SUMF2: variants seen among roughly 807,000 people sequenced by gnomAD.
SUMF2 encodes inactive C-alpha-formylglycine-generating enzyme 2.
In SUMF2, 45 loss-of-function variants were observed where a neutral mutation model predicts 44.8. That is an observed-to-expected ratio of 1.00 (90% CI 0.79 to 1.29). The LOEUF is 1.29. Ranked by LOEUF, SUMF2 falls within the 50% of genes most tolerant of loss-of-function variation. SUMF2 has a pLI of 0.00. For synonymous variants in SUMF2, 148 were observed against 150.4 expected (o/e 0.98, Z 0.12); for missense variants, 418 against 389.9 (o/e 1.07, Z -0.61).
intron 1 of SUMF2, among the ~76,000 whole-genome samples, chr7:56,067,769 TGTG>T (rs963124727): frequency 4.6e-5 from 7 of 151,614 alleles, no homozygotes; most frequent in South Asian, 2.1e-4. Flanking sequence ...GGTGCACACT[TGTG>T]GTCCCAGCTA....
chr7:56,071,418 G>A (rs1195860587), intron 2 of SUMF2, among the ~76,000 whole-genome samples: 1 of 152,060 alleles, frequency 6.6e-6, no homozygotes, highest in Non-Finnish European at 1.5e-5. Flanking sequence ...GAACCCAGGA[G>A]GTCGATGCTA....
At chr7:56,082,084 C>T (rs201288093), downstream of SUMF2, 3 of 1,609,736 alleles carry the variant, frequency 1.9e-6, no homozygotes, top group Admixed American at 5.0e-5. Context: ...TACCCAGCGC[C>T]AGGGGCACCG....
chr7:56,067,471 CAT>C (rs1186908725), intron 1 of SUMF2, among the ~76,000 whole-genome samples: 1 of 152,092 alleles, frequency 6.6e-6, no homozygotes, highest in East Asian at 1.9e-4. Context: ...CTCCTGGTTC[CAT>C]GTTATTTTAA....
At chr7:56,078,007 G>GCAA (rs1486502980) in intron 6 of SUMF2, 95 bp from the exon 7 acceptor site, 7 of 1,057,132 alleles carry the variant, frequency 6.6e-6, no homozygotes, top group Middle Eastern at 2.2e-4. Context: ...TTCCCCAGAT[G>GCAA]CAACAGCAAG....
At chr7:56,086,818 A>AC in the SUMF2 span, 5 of 646,198 alleles carry the variant, frequency 7.7e-6, no homozygotes, top group African/African-American at 3.6e-5. Flanking sequence ...CGGCAGCCTG[A>AC]CCCCAGGGGC....
chr7:56,080,694 C>A (rs886422311), downstream of SUMF2: 9 of 298,230 alleles, frequency 3.0e-5, no homozygotes, highest in African/African-American at 1.7e-4. Flanking sequence ...TTGATCCTCA[C>A]CCTGTGACCC....
At chr7:56,071,119 C>T (rs1219987507) in intron 2 of SUMF2, among the ~76,000 whole-genome samples, 1 of 152,214 alleles carries the variant, frequency 6.6e-6, no homozygotes, top group Non-Finnish European at 1.5e-5. Flanking sequence ...GTAGTCCCAA[C>T]ACTTTGGGAG....
At chr7:56,071,115 CCA>C (rs1795127587) in intron 2 of SUMF2, among the ~76,000 whole-genome samples, 1 of 152,116 alleles carries the variant, frequency 6.6e-6, no homozygotes, top group African/African-American at 2.4e-5. Context: ...GCCTGTAGTC[CCA>C]ACACTTTGGG....
chr7:56,081,415 G>A, downstream of SUMF2: 1 of 1,378,722 alleles, frequency 7.3e-7, no homozygotes, highest in Non-Finnish European at 9.7e-7. The surrounding 1 kb of genome is among the most constrained non-coding windows in gnomAD (Gnocchi z 4.6). Flanking sequence ...CTTCTGCGGG[G>A]CCTTCCTAGT....
chr7:56,065,423 A>G (rs1167694310), intron 1 of SUMF2, among the ~76,000 whole-genome samples: 1 of 152,118 alleles, frequency 6.6e-6, no homozygotes, highest in Non-Finnish European at 1.5e-5. Flanking sequence ...TAAAAAATTG[A>G]CAGTGCTTCT....
intron 8 of SUMF2, chr7:56,079,091 C>G (rs930688620): frequency 1.5e-5 from 8 of 520,784 alleles, no homozygotes; most frequent in Middle Eastern, 6.3e-4. Flanking sequence ...CTAGGTTTGT[C>G]TCATACTCCT....
At position 56,068,552 on chromosome 7, in the gene SUMF2, C is replaced by G; in HGVS notation, c.138C>G (p.Asp46Glu). The change falls in exon 2 of 9, where the codon GAC (aspartate) becomes GAG (glutamate). Residue 46 changes from aspartate (D) to glutamate (E), a missense_variant. Asp to Glu is a conservative substitution (Grantham distance 45, BLOSUM62 2). Coordinates refer to ENST00000434526, the MANE Select transcript of SUMF2 (RefSeq NM_015411.4). ...GRFLMGTNSPDSRDGDGPVRE... is the reference protein window; with the variant it reads ...GRFLMGTNSPESRDGDGPVRE... Reference sequence around the variant, plus strand: ...TCCTGATGGGAACAAATTCTCCAGACAGCAGAGATGGTGACGGGCCTGTGC... The same window carrying G: ...TCCTGATGGGAACAAATTCTCCAGAGAGCAGAGATGGTGACGGGCCTGTGC... 1 of 1,614,022 alleles carries G rather than the reference C, an allele frequency of 6.2e-7. No individual in the cohort carries two copies. The highest frequency in any genetic ancestry group is 2.2e-5 in the East Asian group (1 of 44,876).
chr7:56,081,227 C>G, downstream of SUMF2: 11 of 1,613,732 alleles, frequency 6.8e-6, no homozygotes, highest in Non-Finnish European at 9.3e-6. This position sits in a 1 kb window ranked among gnomAD's most constrained non-coding sequence, Gnocchi z 4.6. Flanking sequence ...ATGACGATCT[C>G]CCGGGTCACA....
Position 56,080,108 on chromosome 7 carries a change from CTG to C in SUMF2, c.*500_*501del, listed in dbSNP as rs1562873343. 3.7e-6 allele frequency: 2 copies of C among 537,980 alleles called. No individual in the cohort carries two copies. The highest frequency in any genetic ancestry group is 6.6e-6 in the Non-Finnish European group (2 of 302,588). 33.3% of individuals were successfully genotyped at this position (537,980 alleles called of 1,614,324 possible). A position where few individuals can be genotyped will look rare whatever the true frequency, so the allele number is the denominator to read the frequency against. ...TCCCTCTGAAGGAAACTAGTTTCCACTGTGTAACAGGCAGACATGTAACTATT... is the reference window on the plus strand; with the variant it reads ...TCCCTCTGAAGGAAACTAGTTTCCACTGTAACAGGCAGACATGTAACTATT... On this transcript the variant is annotated 3_prime_UTR_variant, in exon 9 of 9. Transcript: ENST00000434526.
intron 1 of SUMF2, among the ~76,000 whole-genome samples, chr7:56,067,016 C>G (rs1794851425): frequency 6.6e-6 from 1 of 152,160 alleles, no homozygotes; most frequent in Non-Finnish European, 1.5e-5. Flanking sequence ...TGGCAGAGGC[C>G]AGGGATATAC....
chr7:56,067,023 A>G (rs1233336813), intron 1 of SUMF2, among the ~76,000 whole-genome samples: 3 of 152,250 alleles, frequency 2.0e-5, no homozygotes, highest in East Asian at 1.9e-4. Flanking sequence ...GGCCAGGGAT[A>G]TACTGTCATA....
chr7:56,072,121 C>CAAAA (rs35164639), intron 2 of SUMF2, among the ~76,000 whole-genome samples: 1 of 52,788 alleles, frequency 1.9e-5, no homozygotes. Flanking sequence ...GACTCTGTCT[C>CAAAA]AAAAAAAAAA....
chr7:56,068,506 T>C lies in SUMF2; in HGVS notation c.92T>C (p.Val31Ala), dbSNP rs377488706. The C allele has an allele frequency of 8.7e-6, 14 of 1,613,496 alleles. No individual in the cohort carries two copies. Among genetic ancestry groups the C allele is most frequent in the Non-Finnish European group, 1.0e-5 (12 of 1,179,826 alleles). ...GGAAATGGACAGGCTACTAGCATGG[T>C]CCAACTGCAGGGTGGGAGATTCCTG... Reference protein sequence around the residue: ...KLGNGQATSMVQLQGGRFLMG... With the variant: ...KLGNGQATSMAQLQGGRFLMG... The change falls in exon 2 of 9, where the codon GTC (valine) becomes GCC (alanine). Residue 31 changes from valine to alanine, a missense_variant. Coordinates refer to ENST00000434526, the MANE Select transcript of SUMF2 (RefSeq NM_015411.4).
At chr7:56,071,736 G>C (rs887918607) in intron 2 of SUMF2, among the ~76,000 whole-genome samples, 1 of 151,516 alleles carries the variant, frequency 6.6e-6, no homozygotes, top group African/African-American at 2.4e-5. Context: ...AGTGAGCTGA[G>C]TTCATGCCAC....
Sources: allele counts gnomAD v4.1 joint callset (sites outside exome capture counted in the v4.1 genomes callset), GRCh38; gene constraint gnomAD v4.1.1; non-coding constraint Gnocchi (gnomAD v3.1); transcripts MANE v1.5; gene names NCBI Gene and HGNC (gene_info 2026-07-23, HGNC 2026-07-21).